Variants in AGBL1 observed in about 807,000 individuals in gnomAD.
The protein encoded by AGBL1 is AGBL carboxypeptidase 1.
In AGBL1, 130 loss-of-function variants were observed where a neutral mutation model predicts 118.9. That is an observed-to-expected ratio of 1.09 (90% CI 0.95 to 1.26). The LOEUF (loss-of-function observed/expected upper bound fraction) is 1.26, where lower values mean the gene tolerates loss of function less well. AGBL1 is among the 50% of genes most tolerant of loss of function. The pLI is 0.00. For synonymous variants in AGBL1, 555 were observed against 478.9 expected (o/e 1.16, Z -2.08); for missense variants, 1,584 against 1,298.1 (o/e 1.22, Z -3.38).
intron 14 of AGBL1, among the ~76,000 whole-genome samples, chr15:86,270,467 C>A (rs1567169538): frequency 1.3e-5 from 2 of 152,122 alleles, no homozygotes; most frequent in Non-Finnish European, 2.9e-5. Flanking sequence ...TTAGAAAGCT[C>A]TTGAAGAAGT....
intron 18 of AGBL1, among the ~76,000 whole-genome samples, chr15:86,434,722 G>T (rs1280659080): frequency 6.6e-6 from 1 of 152,182 alleles, no homozygotes; most frequent in Admixed American, 6.5e-5. Flanking sequence ...TGACACCAGA[G>T]GATGTCAGAG....
Position 86,858,645 on chromosome 15 carries a change from C to CT in AGBL1, c.3159-48441dup, listed in dbSNP as rs746881168. On this transcript the variant is annotated intron_variant, in intron 22 of 22. Transcript: ENST00000614907. Reference sequence around the variant, plus strand: ...GCAAAGAAACTAACCCCCTTGCTCTCTAAGAGCTTACATGCTCAGGAGGGA... The same window carrying CT: ...GCAAAGAAACTAACCCCCTTGCTCTCTTAAGAGCTTACATGCTCAGGAGGGA... 2.0e-5 allele frequency among the ~76,000 whole-genome samples: 3 copies of CT among 152,194 alleles called. No individual in the cohort carries two copies. The East Asian group carries it at 5.8e-4, about 29-fold the overall frequency.
At chr15:86,619,159 A>C (rs1006422289) in intron 21 of AGBL1, among the ~76,000 whole-genome samples, 3 of 152,146 alleles carry the variant, frequency 2.0e-5, no homozygotes, top group Admixed American at 2.0e-4. Flanking sequence ...ATGAGGCACC[A>C]TACTAGGCCC....
In AGBL1 at chr15:86,608,864, A is replaced by G. The variant is rs144901183; in HGVS notation, c.2994+54327A>G. Among the ~76,000 whole-genome samples, 217 of 152,260 alleles carry G rather than the reference A, an allele frequency of 1.4e-3. 1 individual carries two copies. The South Asian group carries it at 0.018, about 13-fold the overall frequency. On this transcript the variant is annotated intron_variant, in intron 21 of 22. Coordinates refer to ENST00000614907, the MANE Select transcript of AGBL1 (RefSeq NM_001386094.1). ...TTGGACCCTGTGAGCATCATGAAAC[A>G]TATCTATAAATGAGATCTGGCCTAT... is the stretch of plus-strand genomic sequence containing the variant.
At chr15:86,410,830 A>AAAATATACTATTT (rs2081599768) in intron 18 of AGBL1, among the ~76,000 whole-genome samples, 6 of 90,450 alleles carry the variant, frequency 6.6e-5, no homozygotes, top group Non-Finnish European at 1.0e-4. Flanking sequence ...ATATATATAT[A>AAAATATACTATTT]TATATATATA....
chr15:86,377,192 C>A (rs1300303345), intron 17 of AGBL1, among the ~76,000 whole-genome samples: 1 of 152,108 alleles, frequency 6.6e-6, no homozygotes, highest in African/African-American at 2.4e-5. Flanking sequence ...ATTATATGGA[C>A]CAATGCCCCA....
intron 21 of AGBL1, among the ~76,000 whole-genome samples, chr15:86,571,967 A>T (rs1596278021): frequency 6.6e-6 from 1 of 151,934 alleles, no homozygotes; most frequent in Admixed American, 6.6e-5. Context: ...TGTCCTCAGC[A>T]CCCCCTTAGC....
chr15:86,160,401 TTG>T (rs1374089108), intron 5 of AGBL1, among the ~76,000 whole-genome samples: 2 of 152,182 alleles, frequency 1.3e-5, no homozygotes, highest in African/African-American at 4.8e-5. Flanking sequence ...TAGTGAGTCT[TTG>T]GTTCATCCAG....
At chr15:86,694,243 C>T (rs1476726251) in intron 22 of AGBL1, among the ~76,000 whole-genome samples, 2 of 152,016 alleles carry the variant, frequency 1.3e-5, no homozygotes, top group African/African-American at 4.8e-5. Context: ...GATGTGTTTC[C>T]ATTTGTTTGT....
At chr15:86,373,864 GC>G (rs2081001710) in intron 17 of AGBL1, among the ~76,000 whole-genome samples, 2 of 152,140 alleles carry the variant, frequency 1.3e-5, no homozygotes, top group South Asian at 4.1e-4. Context: ...AAACCCCTTT[GC>G]TTTATTATGG....
chr15:86,654,366 A>G (rs1262585856), intron 21 of AGBL1, among the ~76,000 whole-genome samples: 4 of 152,138 alleles, frequency 2.6e-5, no homozygotes, highest in African/African-American at 9.7e-5. Flanking sequence ...CAATTTTTAC[A>G]TATGGGTAAG....
At chr15:86,754,854 T>C (rs773143148) in intron 22 of AGBL1, among the ~76,000 whole-genome samples, 3 of 152,102 alleles carry the variant, frequency 2.0e-5, no homozygotes, top group Non-Finnish European at 2.9e-5. Context: ...CAATCTGTCC[T>C]TTACCTGGCA....
intron 22 of AGBL1, among the ~76,000 whole-genome samples, chr15:86,681,202 G>T (rs2085949226): frequency 6.6e-6 from 1 of 152,096 alleles, no homozygotes; most frequent in African/African-American, 2.4e-5. Context: ...CTGGAAGTAT[G>T]TCTCAAGTTT....
intron 4 of AGBL1, among the ~76,000 whole-genome samples, chr15:86,155,913 A>G (rs2077183261): frequency 6.6e-6 from 1 of 151,932 alleles, no homozygotes; most frequent in African/African-American, 2.4e-5. Flanking sequence ...TTCTCACTTT[A>G]TTTTTTTAAT....
intron 21 of AGBL1, among the ~76,000 whole-genome samples, chr15:86,611,517 A>G (rs1199911332): frequency 6.6e-6 from 1 of 152,174 alleles, no homozygotes; most frequent in Non-Finnish European, 1.5e-5. Context: ...CAGGAGAAAG[A>G]CTTAGAGGGA....
chr15:86,724,410 T>A (rs1386299653), intron 22 of AGBL1, among the ~76,000 whole-genome samples: 3 of 151,986 alleles, frequency 2.0e-5, no homozygotes, highest in African/African-American at 7.3e-5. Flanking sequence ...ATTAGATTGA[T>A]TCAGTGCTAA....
intron 17 of AGBL1, among the ~76,000 whole-genome samples, chr15:86,298,245 TA>T (rs66488645): frequency 0.3 from 11,686 of 38,470 alleles, 1,410 homozygotes; most frequent in African/African-American, 0.41. Context: ...TGTCTGTGTA[TA>T]ATATATATAT....
rs953833454 is a variant in AGBL1 at position 86,711,068 on chromosome 15, A to C, written c.3158+36632A>C. ...AGGTGACTTCCCCTGATCACATAGG[A>C]CTCTAGGGAGTTTGGGGAAGCAAAT... On this transcript the variant is annotated intron_variant, in intron 22 of 22. Transcript: ENST00000614907. 6.8e-4 allele frequency among the ~76,000 whole-genome samples: 103 copies of C among 152,152 alleles called. 1 individual carries two copies. The highest frequency in any genetic ancestry group is 3.4e-3 in the Middle Eastern group (1 of 294).
At chr15:87,011,368 T>TGTTGATCCATTGAGAACA (rs1289684030) in intron 24 of AGBL1, among the ~76,000 whole-genome samples, 39 of 152,188 alleles carry the variant, frequency 2.6e-4, no homozygotes, top group African/African-American at 8.4e-4. Flanking sequence ...GAACATGAAA[T>TGTTGATCCATTGAGAACA]TGTAATAGAA....
Sources: gnomAD v4.1 joint callset for allele counts (sites outside exome capture counted in the v4.1 genomes callset) on GRCh38, gnomAD v4.1.1 for gene constraint, MANE v1.5 for transcripts, NCBI Gene and HGNC (gene_info 2026-07-23, HGNC 2026-07-21) for gene names.